Variants in SH3BP4 observed in about 807,000 individuals in gnomAD.
SH3BP4 encodes the protein SH3 domain binding protein 4.
In SH3BP4, 33 loss-of-function variants were observed where a neutral mutation model predicts 65.5. The observed-to-expected ratio is 0.50, with a 90% CI of 0.38 to 0.67. The LOEUF is 0.67. Ranked by LOEUF, SH3BP4 falls within the 30% of genes least tolerant of loss-of-function variation. The probability of loss-of-function intolerance (pLI) is 0.00; values close to 1 mark genes in which losing one functional copy is unlikely to be tolerated. For synonymous variants in SH3BP4, 552 were observed against 545.5 expected, an observed-to-expected ratio of 1.01 and a Z score of -0.17; for missense variants, 1,134 against 1,261.4, an observed-to-expected ratio of 0.90 and a Z score of 1.53.
intron 5 of SH3BP4, among the ~76,000 whole-genome samples, chr2:235,053,332 T>A (rs1696122229): frequency 6.6e-6 from 1 of 152,214 alleles, no homozygotes; most frequent in South Asian, 2.1e-4. Flanking sequence ...ATAAAGATTG[T>A]AAGGAAAGAG....
chr2:234,969,687 C>T (rs560500232), intron 1 of SH3BP4, among the ~76,000 whole-genome samples: 2 of 152,302 alleles, frequency 1.3e-5, no homozygotes, highest in African/African-American at 2.4e-5. Flanking sequence ...GGTTTTATCC[C>T]GAGCCTGCTC....
chr2:234,977,739 T>C lies in SH3BP4; in HGVS notation c.-206-17564T>C, dbSNP rs1013372939. ...TCCGTAGATGATTTTTTTTTGCTTA[T>C]GCAGTTAGTGCACAGAGTGAGCCCT... On this transcript the variant is annotated intron_variant, in intron 1 of 5. Coordinates refer to ENST00000392011, the MANE Select transcript of SH3BP4 (RefSeq NM_014521.3). This position sits in a 1 kb window ranked among gnomAD's most constrained non-coding sequence, Gnocchi z 5.1. 1.3e-5 allele frequency among the ~76,000 whole-genome samples: 2 copies of C among 152,118 alleles called. No homozygotes were observed. Among genetic ancestry groups the C allele is most frequent in the Non-Finnish European group, 2.9e-5 (2 of 68,028 alleles).
chr2:234,992,036 G>A (rs974631759), intron 1 of SH3BP4, among the ~76,000 whole-genome samples: 3 of 152,236 alleles, frequency 2.0e-5, no homozygotes, highest in African/African-American at 7.2e-5. Flanking sequence ...TAAAGACGCT[G>A]CCTAAAGAAC....
At position 234,991,998 on chromosome 2, in the gene SH3BP4, T is replaced by C. The variant is rs1317568940; in HGVS notation, c.-206-3305T>C. On this transcript the variant is annotated intron_variant, in intron 1 of 5. Transcript: ENST00000392011. This position sits in a 1 kb window ranked among gnomAD's most constrained non-coding sequence, Gnocchi z 4.2. ...CCCCTGTCCAGGGAGCCTGCCGGGC[T>C]CAGCTTCAGGACCACAAGGCTGTTA... is the stretch of plus-strand genomic sequence containing the variant. Among the ~76,000 whole-genome samples, 1 of 152,204 alleles carries C rather than the reference T, an allele frequency of 6.6e-6. No homozygotes were observed. The highest frequency in any genetic ancestry group is 1.5e-5 in the Non-Finnish European group (1 of 68,038).
At chr2:234,958,660 C>T (rs562784321) in intron 1 of SH3BP4, among the ~76,000 whole-genome samples, 76 of 148,650 alleles carry the variant, frequency 5.1e-4, no homozygotes, top group African/African-American at 1.8e-3. Context: ...AAGTGCCCTG[C>T]GGGGCCCTGA....
At chr2:235,037,337 C>A (rs188240817) in intron 3 of SH3BP4, among the ~76,000 whole-genome samples, 123 of 152,246 alleles carry the variant, frequency 8.1e-4, no homozygotes, top group Non-Finnish European at 2.5e-4. Context: ...AAGGGGGAAT[C>A]ACACAACAGT....
chr2:235,025,829 C>A (rs1250109013), intron 2 of SH3BP4, among the ~76,000 whole-genome samples: 1 of 152,172 alleles, frequency 6.6e-6, no homozygotes, highest in Non-Finnish European at 1.5e-5. Flanking sequence ...ATTCTCCAAT[C>A]GGTAGGTTTT....
At position 234,974,317 on chromosome 2, in the gene SH3BP4, A is replaced by T. The variant is rs559629949; in HGVS notation, c.-206-20986A>T. The stretch of plus-strand genomic sequence containing the variant: ...GAGGCTGGGGTTGCAGTGAGCCAAG[A>T]TCGCACTATTGCACTCCAGCCTGGG... On this transcript the variant is annotated intron_variant, in intron 1 of 5. Transcript: ENST00000392011. The surrounding 1 kb of genome is among the most constrained non-coding windows in gnomAD (Gnocchi z 4.6). Among the ~76,000 whole-genome samples, 1 of 152,284 alleles carries T rather than the reference A, an allele frequency of 6.6e-6. No homozygotes were observed. Among genetic ancestry groups the T allele is most frequent in the African/African-American group, 2.4e-5 (1 of 41,572 alleles).
chr2:235,024,643 C>A (rs972295440), intron 2 of SH3BP4, among the ~76,000 whole-genome samples: 1 of 152,110 alleles, frequency 6.6e-6, no homozygotes, highest in Admixed American at 6.6e-5. Flanking sequence ...TCAGTTTTCT[C>A]ATCTGTAAGA....
intron 2 of SH3BP4, among the ~76,000 whole-genome samples, chr2:235,027,300 G>A (rs965451866): frequency 6.6e-5 from 10 of 152,226 alleles, no homozygotes; most frequent in Admixed American, 2.0e-4. Context: ...TGGTCTCCTC[G>A]TGGTCCCATC....
At position 235,041,082 on chromosome 2, in the gene SH3BP4, C is replaced by T. The variant is rs1159335780; in HGVS notation, c.313C>T (p.Pro105Ser). 4.3e-6 allele frequency: 7 copies of T among 1,613,978 alleles called. No homozygotes were observed. Among genetic ancestry groups the T allele is most frequent in the Non-Finnish European group, 5.9e-6 (7 of 1,179,988 alleles). Residue 105 changes from proline (P) to serine (S), a missense_variant, in exon 4 of 6, where the codon CCC (proline) becomes TCC (serine). Coordinates refer to ENST00000392011, the MANE Select transcript of SH3BP4 (RefSeq NM_014521.3). This position sits in a 1 kb window ranked among gnomAD's most constrained non-coding sequence, Gnocchi z 6.0. ...CAACACCACCGAAATGGGCTACATC[C>T]CCTCCTCCTATGTGCAGCCCTTGAA... Reference protein sequence around the residue: ...AHNTTEMGYIPSSYVQPLNYR... With the variant: ...AHNTTEMGYISSSYVQPLNYR...
At chr2:234,992,210 G>A (rs1693767212) in intron 1 of SH3BP4, among the ~76,000 whole-genome samples, 1 of 152,254 alleles carries the variant, frequency 6.6e-6, no homozygotes, top group Admixed American at 6.5e-5. Flanking sequence ...GGTGGCATCT[G>A]GAGTTTCCAG....
In SH3BP4 at chr2:235,045,210, G is replaced by C. The variant is rs1695813231; in HGVS notation, c.2478+1963G>C. 6.6e-6 allele frequency among the ~76,000 whole-genome samples: 1 copy of C among 152,168 alleles called. No homozygotes were observed. The highest frequency in any genetic ancestry group is 2.1e-4 in the South Asian group (1 of 4,830). On this transcript the variant is annotated intron_variant, in intron 4 of 5. Transcript: ENST00000392011. The surrounding 1 kb of genome is among the most constrained non-coding windows in gnomAD (Gnocchi z 4.3). ...CTGTGCGGGCGGCCCCGAGACCACA[G>C]CCGTGGCTGTGCATGCTGTCGTGGA...
At chr2:234,968,931 T>C (rs1692907770) in intron 1 of SH3BP4, among the ~76,000 whole-genome samples, 1 of 152,224 alleles carries the variant, frequency 6.6e-6, no homozygotes, top group East Asian at 1.9e-4. Context: ...CCAGTTTTCA[T>C]ATTTGGTGTT....
chr2:235,050,582 C>T (rs770518449), intron 4 of SH3BP4, among the ~76,000 whole-genome samples: 4 of 152,032 alleles, frequency 2.6e-5, no homozygotes, highest in Non-Finnish European at 5.9e-5. Flanking sequence ...GATTGAGATG[C>T]TGGGGGCCCA....
At chr2:234,963,716 G>A (rs191887566) in intron 1 of SH3BP4, among the ~76,000 whole-genome samples, 1 of 152,356 alleles carries the variant, frequency 6.6e-6, no homozygotes, top group East Asian at 1.9e-4. Flanking sequence ...AAGGGGATGA[G>A]TGATGGTTTT....
Position 235,041,401 on chromosome 2 carries a change from A to G in SH3BP4, c.632A>G (p.Asn211Ser). Residue 211 changes from asparagine (N) to serine (S), a missense_variant, in exon 4 of 6, where the codon AAT becomes AGT. By Grantham distance (46) the Asn-to-Ser change is conservative. Coordinates refer to ENST00000392011, the MANE Select transcript of SH3BP4 (RefSeq NM_014521.3). The surrounding 1 kb of genome is among the most constrained non-coding windows in gnomAD (Gnocchi z 6.0). ...SFTESSSATT[N>S]STGNIFDELP... The stretch of plus-strand genomic sequence containing the variant: ...ACCGAATCCAGCTCAGCCACCACGA[A>G]TAGCACTGGCAACATCTTCGATGAG... The G allele has an allele frequency of 6.2e-7, 1 of 1,614,188 alleles. No homozygotes were observed. The highest frequency in any genetic ancestry group is 1.1e-5 in the South Asian group (1 of 91,082).
intron 1 of SH3BP4, among the ~76,000 whole-genome samples, chr2:234,955,627 T>C (rs956383121): frequency 6.6e-6 from 1 of 152,166 alleles, no homozygotes; most frequent in Non-Finnish European, 1.5e-5. Flanking sequence ...TAAAATCCCA[T>C]GTAGAACATC....
chr2:235,052,773 G>A lies in SH3BP4; in HGVS notation c.2667+23G>A. On this transcript the variant is annotated intron_variant, in intron 5 of 5. Transcript: ENST00000392011. This position sits in a 1 kb window ranked among gnomAD's most constrained non-coding sequence, Gnocchi z 5.0. ...GAGGTGAGCAGCGGCTGAGCTTCGA[G>A]CTCACCGAGCCCCTCTGTCCCTGGG... 2 of 1,541,670 alleles carry A rather than the reference G, an allele frequency of 1.3e-6. No homozygotes were observed. Among genetic ancestry groups the A allele is most frequent in the South Asian group, 1.2e-5 (1 of 82,462 alleles).
Sources: gnomAD v4.1 joint callset for allele counts (sites outside exome capture counted in the v4.1 genomes callset) on GRCh38, gnomAD v4.1.1 for gene constraint, Gnocchi (gnomAD v3.1) non-coding constraint, MANE v1.5 for transcripts, NCBI Gene and HGNC (gene_info 2026-07-23, HGNC 2026-07-21) for gene names.